The following HCN2 variants were observed in gnomAD, a reference collection of about 807,000 sequenced individuals.
HCN2 encodes the protein potassium/sodium hyperpolarization-activated cyclic nucleotide-gated channel 2.
A neutral mutation model predicts 52.3 loss-of-function variants in HCN2; 20 were observed. That is an observed-to-expected ratio of 0.38 (90% CI 0.27 to 0.56). The LOEUF is 0.56. Ranked by LOEUF, HCN2 falls within the 20% of genes least tolerant of loss-of-function variation. The pLI is 0.71. For missense variants in HCN2, 981 were observed against 1,207.7 expected, an observed-to-expected ratio of 0.81 and a Z score of 2.78; for synonymous variants, 694 against 537.0, an observed-to-expected ratio of 1.29 and a Z score of -4.04.
chr19:610,732 G>A (rs535791203), intron 5 of HCN2, among the ~76,000 whole-genome samples: 1 of 152,346 alleles, frequency 6.6e-6, no homozygotes. Context: ...TGGGGGCACT[G>A]AGGCTGATTG....
intron 5 of HCN2, 47 bp downstream of exon 5, chr19:610,452 C>T (rs377463646): frequency 1.1e-4 from 167 of 1,563,354 alleles, no homozygotes; most frequent in African/African-American, 2.0e-4. Flanking sequence ...GGTACAGGGC[C>T]GGCCTCCCTC....
chr19:603,996 C>A (rs887063911), intron 2 of HCN2, 29 bp downstream of exon 2: 2 of 1,432,544 alleles, frequency 1.4e-6, no homozygotes, highest in Non-Finnish European at 1.9e-6. Flanking sequence ...GGGGCCAAGG[C>A]AGCAGGGGCG....
rs377071656 is a variant in HCN2 at position 613,408 on chromosome 19, A to T, written c.1745A>T (p.Tyr582Phe). ...GAAGGCACCATCGGGAAGAAGATGT[A>T]CTTCATCCAGCACGGCGTGGTCAGC... ...IREGTIGKKM[Y>F]FIQHGVVSVL... Residue 582 changes from tyrosine to phenylalanine, a missense_variant, in exon 6 of 8, where the codon TAC (tyrosine) becomes TTC (phenylalanine). By Grantham distance (22) the Tyr-to-Phe change is conservative. Transcript: ENST00000251287. The T allele has an allele frequency of 3.2e-5, 51 of 1,612,066 alleles. No homozygotes were observed. The highest frequency in any genetic ancestry group is 4.2e-5 in the Non-Finnish European group (50 of 1,179,570).
rs568740709 is a variant in HCN2 at position 593,488 on chromosome 19, C to T, written c.632+2911C>T. On this transcript the variant is annotated intron_variant, in intron 1 of 7. Transcript: ENST00000251287. ...TGCAAAAATTAGCTGGGCATCGTGA[C>T]GAGCGCCTGTAATCCCAGCTACTCG... Among the ~76,000 whole-genome samples the T allele has an allele frequency of 6.2e-4, 95 of 152,260 alleles. 3 individuals carry two copies. The South Asian group carries it at 0.019, about 30-fold the overall frequency.
In HCN2 at chr19:608,127, A is replaced by C; in HGVS notation, c.1382A>C (p.His461Pro). Residue 461 changes from histidine to proline, a missense_variant, in exon 4 of 8, where the codon CAC (histidine) becomes CCC (proline). His to Pro is a moderately conservative substitution (Grantham distance 77). Coordinates refer to ENST00000251287, the MANE Select transcript of HCN2 (RefSeq NM_001194.4). ...ACCTGCTACGCCATGTTCATCGGCC[A>C]CGCCACTGCCCTCATCCAGTCGCTG... is the stretch of plus-strand genomic sequence containing the variant. ...GATCYAMFIGHATALIQSLDS... is the reference protein window; with the variant it reads ...GATCYAMFIGPATALIQSLDS... The C allele has an allele frequency of 6.2e-7, 1 of 1,613,232 alleles. No individual in the cohort carries two copies. The highest frequency in any genetic ancestry group is 8.5e-7 in the Non-Finnish European group (1 of 1,179,988).
At chr19:600,066 C>T (rs1480007399) in intron 1 of HCN2, among the ~76,000 whole-genome samples, 1 of 152,178 alleles carries the variant, frequency 6.6e-6, no homozygotes, top group Non-Finnish European at 1.5e-5. Flanking sequence ...ATTCAAGACC[C>T]TCCCTTGTCT....
Position 613,253 on chromosome 19 carries a change from C to T in HCN2, c.1590C>T (p.Ile530=), listed in dbSNP as rs772634568. ...GCCCTGCCTCCCCCCTGCAGGAGATCGTCAACTTCAACTGCCGGAAGCTGG... is the reference window on the plus strand; with the variant it reads ...GCCCTGCCTCCCCCCTGCAGGAGATTGTCAACTTCAACTGCCGGAAGCTGG... ...GELNGPLREE[I]VNFNCRKLVA... The change falls in exon 6 of 8, where the codon ATC becomes ATT. Residue 530 remains isoleucine (I), a synonymous_variant. Transcript: ENST00000251287. 23 of 1,611,312 alleles carry T rather than the reference C, an allele frequency of 1.4e-5. No individual in the cohort carries two copies. The highest frequency in any genetic ancestry group is 1.8e-5 in the Non-Finnish European group (21 of 1,179,324).
In HCN2 at chr19:611,578, C is replaced by T. The variant is rs775235153; in HGVS notation, c.1584+1173C>T. ...AGGAGGCACACACTGCGGTTCGCTT[C>T]GCCAAGAATGTTTAATTGCATTTGA... On this transcript the variant is annotated intron_variant, in intron 5 of 7. Transcript: ENST00000251287. 4.6e-5 allele frequency among the ~76,000 whole-genome samples: 7 copies of T among 152,216 alleles called. 1 individual carries two copies. Among genetic ancestry groups the T allele is most frequent in the Middle Eastern group, 6.3e-3 (2 of 316 alleles).
intron 6 of HCN2, among the ~76,000 whole-genome samples, 155 bp from the exon 7 acceptor site, chr19:613,691 CCGGGGA>C (rs1568368860): frequency 6.5e-5 from 4 of 61,922 alleles, no homozygotes; most frequent in African/African-American, 2.4e-4. Context: ...GGGGATGGGG[CCGGGGA>C]TGGGGCCGGG....
At chr19:605,873 G>A (rs1182319570) in intron 3 of HCN2, among the ~76,000 whole-genome samples, 1 of 152,122 alleles carries the variant, frequency 6.6e-6, no homozygotes. Context: ...CCTTACACGG[G>A]AGGACTCAGG....
chr19:612,174 C>T (rs1983666374), intron 5 of HCN2, among the ~76,000 whole-genome samples: 2 of 152,060 alleles, frequency 1.3e-5, no homozygotes, highest in South Asian at 4.2e-4. Flanking sequence ...AAAAGTGCCC[C>T]AGGTCATAAG....
intron 3 of HCN2, 32 bp from the exon 4 acceptor site, chr19:607,932 G>T (rs774277988): frequency 3.2e-6 from 5 of 1,564,762 alleles, no homozygotes; most frequent in Non-Finnish European, 1.7e-6. Context: ...GTGAGCACCT[G>T]CCCACCACCG....
intron 1 of HCN2, among the ~76,000 whole-genome samples, chr19:601,388 G>A (rs548699988): frequency 1.3e-5 from 2 of 152,350 alleles, no homozygotes; most frequent in South Asian, 2.1e-4. Flanking sequence ...CTGGGTCAGA[G>A]CCTCACTCCT....
chr19:616,986 C>A lies in HCN2; in HGVS notation c.*512C>A. On this transcript the variant is annotated 3_prime_UTR_variant, in exon 8 of 8. Coordinates refer to ENST00000251287, the MANE Select transcript of HCN2 (RefSeq NM_001194.4). ...GGAGCAGCACCCCGCCTCCCTCCAGCACTGGCACCGAGAGGCAGGCCTGGC... is the reference window on the plus strand; with the variant it reads ...GGAGCAGCACCCCGCCTCCCTCCAGAACTGGCACCGAGAGGCAGGCCTGGC... The A allele has an allele frequency of 8.2e-6, 4 of 490,064 alleles. No individual in the cohort carries two copies. Among genetic ancestry groups the A allele is most frequent in the Non-Finnish European group, 1.1e-5 (3 of 267,408 alleles). 30.4% of individuals were successfully genotyped at this position (490,064 alleles called of 1,614,324 possible). A position where few individuals can be genotyped will look rare whatever the true frequency, so the allele number is the denominator to read the frequency against.
At chr19:593,782 A>C (rs780894427) in intron 1 of HCN2, among the ~76,000 whole-genome samples, 2 of 152,100 alleles carry the variant, frequency 1.3e-5, no homozygotes, top group Non-Finnish European at 2.9e-5. Context: ...CCCAAGTTCA[A>C]GGTTTTGGGT....
intron 7 of HCN2, among the ~76,000 whole-genome samples, chr19:615,374 T>C (rs915480181): frequency 6.7e-5 from 10 of 148,654 alleles, no homozygotes; most frequent in African/African-American, 1.7e-4. Flanking sequence ...ATTAGCCGGG[T>C]GTGGTGGCGG....
chr19:590,016 C>T lies in HCN2; in HGVS notation c.71C>T (p.Pro24Leu). The T allele has an allele frequency of 6.6e-6, 4 of 602,664 alleles. No homozygotes were observed. The highest frequency in any genetic ancestry group is 8.1e-6 in the Non-Finnish European group (4 of 492,174). The allele number at this position is 602,664 out of a possible 1,614,324, so 37.3% of individuals were successfully genotyped here. Residue 24 changes from proline (P) to leucine (L), a missense_variant, in exon 1 of 8, where the codon CCG becomes CTG. This residue lies in a region of HCN2 where 215 missense variants were observed against 179.4 expected (regional missense o/e 1.20). Transcript: ENST00000251287. The surrounding 1 kb of genome is among the most constrained non-coding windows in gnomAD (Gnocchi z 7.2). ...PGATPAPGPP[P>L]PPPPAPPQQQ... ...GCGACCCCCGCGCCGGGGCCGCCGC[C>T]GCCGCCGCCGCCCGCGCCCCCCCAA...
At chr19:603,150 C>T (rs12460409) in intron 1 of HCN2, among the ~76,000 whole-genome samples, 2,314 of 52,662 alleles carry the variant, frequency 0.044, 122 homozygotes, top group East Asian at 0.13. Context: ...CCTCGTCCCA[C>T]AGGGAAGAGG....
At chr19:598,778 T>C (rs1381674794) in intron 1 of HCN2, among the ~76,000 whole-genome samples, 1 of 151,928 alleles carries the variant, frequency 6.6e-6, no homozygotes, top group African/African-American at 2.4e-5. Flanking sequence ...AATAATACAT[T>C]TTTGTATTTT....
Sources: allele counts gnomAD v4.1 joint callset (sites outside exome capture counted in the v4.1 genomes callset), GRCh38; gene constraint gnomAD v4.1.1; regional missense constraint gnomAD v4.1.1; non-coding constraint Gnocchi (gnomAD v3.1); transcripts MANE v1.5; gene names NCBI Gene and HGNC (gene_info 2026-07-23, HGNC 2026-07-21).